The following HHAT variants were observed in gnomAD, a reference collection of about 807,000 sequenced individuals.
HHAT encodes the protein hedgehog acyltransferase.
HHAT carries 47 observed loss-of-function variants against 70.8 expected under a neutral mutation model. The observed-to-expected ratio is 0.66, with a 90% confidence interval of 0.53 to 0.85. The LOEUF is 0.85. Ranked by LOEUF, HHAT falls within the 40% of genes least tolerant of loss-of-function variation. The pLI is 0.00. For missense variants in HHAT, 609 were observed against 604.8 expected, an observed-to-expected ratio of 1.01 and a Z score of -0.07; for synonymous variants, 228 against 247.6, an observed-to-expected ratio of 0.92 and a Z score of 0.74.
intron 7 of HHAT, among the ~76,000 whole-genome samples, chr1:210,449,123 A>G (rs1468850148): frequency 6.6e-6 from 1 of 152,180 alleles, no homozygotes; most frequent in Non-Finnish European, 1.5e-5. Context: ...TTTAGGAGAC[A>G]ATTCCACAAG....
chr1:210,513,242 A>G (rs2094991718), intron 9 of HHAT, 54 bp downstream of exon 9: 2 of 902,320 alleles, frequency 2.2e-6, no homozygotes, highest in East Asian at 4.9e-5. Flanking sequence ...CTATTATGAA[A>G]GATTGAAATG....
intron 11 of HHAT, among the ~76,000 whole-genome samples, chr1:210,633,366 C>G (rs1029751047): frequency 6.6e-6 from 1 of 152,166 alleles, no homozygotes; most frequent in Non-Finnish European, 1.5e-5. Flanking sequence ...AGTCAAATGC[C>G]CGGTCGCAGC....
In HHAT at chr1:210,349,051, T is replaced by A; in HGVS notation, c.76T>A (p.Tyr26Asn). The change falls in exon 2 of 12, where the codon TAC (tyrosine) becomes AAC (asparagine). Residue 26 changes from tyrosine to asparagine, a missense_variant. Tyr to Asn is a moderately radical substitution (Grantham distance 143, BLOSUM62 -2). Transcript: ENST00000261458. ...CCACTTCTATTCCTTCTATGAAGTT[T>A]ACAAAGTCTCCAGAGGTAAGGCCCC... is the stretch of plus-strand genomic sequence containing the variant. ...GFHFYSFYEV[Y>N]KVSREHEEEL... 6.2e-7 allele frequency: 1 copy of A among 1,614,072 alleles called. No individual in the cohort carries two copies. The highest frequency in any genetic ancestry group is 8.5e-7 in the Non-Finnish European group (1 of 1,180,000).
chr1:210,492,580 A>G (rs1471952591), intron 8 of HHAT, among the ~76,000 whole-genome samples: 1 of 152,140 alleles, frequency 6.6e-6, no homozygotes, highest in Non-Finnish European at 1.5e-5. Flanking sequence ...TATTTGAGAA[A>G]TACCCATGCT....
intron 9 of HHAT, among the ~76,000 whole-genome samples, chr1:210,540,554 G>C (rs151221535): frequency 2.1e-3 from 315 of 150,006 alleles, no homozygotes; most frequent in African/African-American, 7.0e-3. Flanking sequence ...CACCCTCATA[G>C]ACATACACAT....
chr1:210,477,954 A>T (rs1312840844), intron 8 of HHAT, among the ~76,000 whole-genome samples: 1 of 152,202 alleles, frequency 6.6e-6, no homozygotes, highest in Non-Finnish European at 1.5e-5. Flanking sequence ...GGCTGACTTA[A>T]TTGGTAGCAG....
At chr1:210,615,279 G>T (rs1374894906) in intron 10 of HHAT, among the ~76,000 whole-genome samples, 1 of 152,078 alleles carries the variant, frequency 6.6e-6, no homozygotes, top group Non-Finnish European at 1.5e-5. Flanking sequence ...TTGTAAATTT[G>T]TTTGAGTTCT....
chr1:210,410,229 A>AT (rs200678746), intron 6 of HHAT, among the ~76,000 whole-genome samples: 3,392 of 149,154 alleles, frequency 0.023, 139 homozygotes, highest in African/African-American at 0.076. Context: ...ATTTTTTTGT[A>AT]TTTTTTTTAG....
chr1:210,604,942 G>A (rs1301809065), intron 10 of HHAT, among the ~76,000 whole-genome samples: 3 of 152,148 alleles, frequency 2.0e-5, no homozygotes, highest in Non-Finnish European at 2.9e-5. Flanking sequence ...CTTGAGGCCA[G>A]GAGTTCTGTG....
At chr1:210,368,922 A>G (rs2089280855) in intron 3 of HHAT, among the ~76,000 whole-genome samples, 2 of 152,106 alleles carry the variant, frequency 1.3e-5, no homozygotes, top group Admixed American at 6.5e-5. Context: ...TACTAAAAAT[A>G]CAAAAATTAG....
At chr1:210,625,466 G>A (rs1669667384) in intron 11 of HHAT, among the ~76,000 whole-genome samples, 1 of 152,234 alleles carries the variant, frequency 6.6e-6, no homozygotes, top group African/African-American at 2.4e-5. Context: ...TCACACGAAT[G>A]TGAGTGCCAA....
Position 210,334,178 on chromosome 1 carries a change from A to ATTT in HHAT, c.-44+5092_-44+5094dup, listed in dbSNP as rs3033354. ...TACTTGCTGGCCACTTTAGCGTGTC[A>ATTT]TTTTTTTTTTTTTTTTTTTTGAGAA... is the stretch of plus-strand genomic sequence containing the variant. On this transcript the variant is annotated intron_variant, in intron 1 of 11. Coordinates refer to ENST00000261458, the MANE Select transcript of HHAT (RefSeq NM_018194.6). 7.5e-3 allele frequency among the ~76,000 whole-genome samples: 748 copies of ATTT among 99,952 alleles called. 131 individuals are homozygous for ATTT. The highest frequency in any genetic ancestry group is 0.011 in the South Asian group (29 of 2,686). The allele number at this position is 99,952 out of a possible 152,430, so 65.6% of individuals were successfully genotyped here.
chr1:210,523,909 C>T (rs1049102854), intron 9 of HHAT, among the ~76,000 whole-genome samples: 3 of 152,168 alleles, frequency 2.0e-5, no homozygotes, highest in African/African-American at 7.2e-5. Flanking sequence ...AGCTCACATC[C>T]CAGTGAGTAA....
At chr1:210,610,506 G>T (rs1445902709) in intron 10 of HHAT, among the ~76,000 whole-genome samples, 1 of 152,112 alleles carries the variant, frequency 6.6e-6, no homozygotes. Flanking sequence ...CTATGCAGAA[G>T]CTCTTTAGTT....
intron 11 of HHAT, among the ~76,000 whole-genome samples, chr1:210,667,216 C>G (rs1679094631): frequency 6.6e-6 from 1 of 152,052 alleles, no homozygotes; most frequent in African/African-American, 2.4e-5. Flanking sequence ...AACTCTGTCT[C>G]TACTAAAAAT....
chr1:210,420,510 T>C (rs371103455), intron 7 of HHAT, among the ~76,000 whole-genome samples: 10 of 152,254 alleles, frequency 6.6e-5, no homozygotes, highest in African/African-American at 2.4e-4. Context: ...TTCAAACTCT[T>C]TGGCACATTA....
At chr1:210,583,080 T>C (rs541064543) in intron 9 of HHAT, among the ~76,000 whole-genome samples, 1 of 152,290 alleles carries the variant, frequency 6.6e-6, no homozygotes, top group East Asian at 1.9e-4. Flanking sequence ...ACCTCTCCTA[T>C]ATAAAATAGG....
intron 1 of HHAT, among the ~76,000 whole-genome samples, chr1:210,332,868 A>C (rs1397685095): frequency 6.6e-6 from 1 of 152,226 alleles, no homozygotes; most frequent in East Asian, 1.9e-4. Flanking sequence ...TGGCAATCTT[A>C]CAGTCTTCTG....
chr1:210,481,739 A>G (rs2501887), intron 8 of HHAT, among the ~76,000 whole-genome samples: 25,358 of 152,202 alleles, frequency 0.17, 2,327 homozygotes, highest in East Asian at 0.43. Flanking sequence ...TAAGGTTACA[A>G]ATAAATTTTA....
Sources: gnomAD v4.1 joint callset for allele counts (sites outside exome capture counted in the v4.1 genomes callset) on GRCh38, gnomAD v4.1.1 for gene constraint, MANE v1.5 for transcripts, NCBI Gene and HGNC (gene_info 2026-07-23, HGNC 2026-07-21) for gene names.